The following LYZL4 variants were observed in gnomAD, a reference collection of about 807,000 sequenced individuals.
The protein encoded by LYZL4 is lysozyme-like protein 4.
Under a neutral mutation model 17.6 loss-of-function variants are expected in LYZL4, and 13 were observed. The observed-to-expected ratio is 0.74, with a 90% CI of 0.48 to 1.18. LYZL4 has a LOEUF of 1.18. Ranked by LOEUF, LYZL4 falls within the 50% of genes most tolerant of loss-of-function variation. The probability of loss-of-function intolerance (pLI) is 0.00; values close to 1 mark genes in which losing one functional copy is unlikely to be tolerated. For synonymous variants in LYZL4, 64 were observed against 67.7 expected, an observed-to-expected ratio of 0.95 and a Z score of 0.27; for missense variants, 174 against 188.2, an observed-to-expected ratio of 0.92 and a Z score of 0.44.
At chr3:42,362,521 T>A in the LYZL4 span, among the ~76,000 whole-genome samples, 1 of 152,202 alleles carries the variant, frequency 6.6e-6, no homozygotes, top group African/African-American at 2.4e-5. Context: ...ACTAGCTGAT[T>A]TGGGGTCTCA....
At chr3:42,409,597 A>G (rs183962391) in intron 1 of LYZL4, among the ~76,000 whole-genome samples, 1 of 152,190 alleles carries the variant, frequency 6.6e-6, no homozygotes, top group East Asian at 1.9e-4. Flanking sequence ...TTCTTCCAGA[A>G]CCTATTCGCC....
chr3:42,390,220 G>A, the LYZL4 span, among the ~76,000 whole-genome samples: 60 of 152,330 alleles, frequency 3.9e-4, no homozygotes, highest in Middle Eastern at 3.4e-3. Flanking sequence ...TGGGCACAGC[G>A]TGAGGATATC....
chr3:42,378,357 T>A, the LYZL4 span, among the ~76,000 whole-genome samples: 1 of 152,184 alleles, frequency 6.6e-6, no homozygotes, highest in Admixed American at 6.5e-5. Context: ...CAGCAAGAAT[T>A]TCCTTTGCCA....
the LYZL4 span, among the ~76,000 whole-genome samples, chr3:42,373,752 C>G: frequency 2.5e-4 from 38 of 152,256 alleles, no homozygotes; most frequent in African/African-American, 8.9e-4. Flanking sequence ...GCACACCTTC[C>G]CTTAAAGGTC....
downstream of LYZL4, among the ~76,000 whole-genome samples, chr3:42,394,126 A>C (rs1698522438): frequency 6.6e-6 from 1 of 152,214 alleles, no homozygotes; most frequent in Non-Finnish European, 1.5e-5. Context: ...ACAGAAGCTT[A>C]GAAATGCTGT....
chr3:42,369,170 G>C, the LYZL4 span, among the ~76,000 whole-genome samples: 1 of 152,212 alleles, frequency 6.6e-6, no homozygotes, highest in Non-Finnish European at 1.5e-5. Context: ...TATGTAATTA[G>C]AAGTTTCCTT....
At chr3:42,385,353 C>T in the LYZL4 span, among the ~76,000 whole-genome samples, 11 of 152,246 alleles carry the variant, frequency 7.2e-5, no homozygotes, top group Middle Eastern at 3.4e-3. Context: ...TTTAGATACA[C>T]GAATACTTAG....
At chr3:42,369,124 G>A in the LYZL4 span, among the ~76,000 whole-genome samples, 5 of 152,340 alleles carry the variant, frequency 3.3e-5, 1 homozygote, top group East Asian at 9.6e-4. Context: ...AAAGCCTAAT[G>A]AAGGTATAGA....
chr3:42,397,140 G>T lies in LYZL4; in HGVS notation c.*125C>A. 1.4e-6 allele frequency: 1 copy of T among 696,036 alleles called. No individual in the cohort carries two copies. The highest frequency in any genetic ancestry group is 2.4e-6 in the Non-Finnish European group (1 of 416,668). The allele number at this position is 696,036 out of a possible 1,614,324, so 43.1% of individuals were successfully genotyped here. On this transcript the variant is annotated 3_prime_UTR_variant, in exon 5 of 5. Transcript: ENST00000287748. ...GCATCCCCGGATGAAGCAAACTTTT[G>T]TCTTTTTCCATCTGGAACTCTTAAA...
At chr3:42,382,889 G>A in the LYZL4 span, among the ~76,000 whole-genome samples, 1 of 152,106 alleles carries the variant, frequency 6.6e-6, no homozygotes, top group Admixed American at 6.5e-5. Context: ...GGCCAGCATA[G>A]AACAGACACA....
At position 42,397,174 on chromosome 3, in the gene LYZL4, A is replaced by C; in HGVS notation, c.*91T>G. On this transcript the variant is annotated 3_prime_UTR_variant, in exon 5 of 5. Coordinates refer to ENST00000287748, the MANE Select transcript of LYZL4 (RefSeq NM_144634.4). Reference sequence around the variant, plus strand: ...CATCTGGAACTCTTAAAGTGGTGAGATCATCAAAAGGATTGACTGAAGCAG... The same window carrying C: ...CATCTGGAACTCTTAAAGTGGTGAGCTCATCAAAAGGATTGACTGAAGCAG... 4 of 889,894 alleles carry C rather than the reference A, an allele frequency of 4.5e-6. No individual in the cohort carries two copies. Among genetic ancestry groups the C allele is most frequent in the Non-Finnish European group, 7.0e-6 (4 of 567,956 alleles). The allele number at this position is 889,894 out of a possible 1,614,324, so 55.1% of individuals were successfully genotyped here.
chr3:42,394,259 T>TA (rs1339641070), downstream of LYZL4, among the ~76,000 whole-genome samples: 22 of 152,220 alleles, frequency 1.4e-4, no homozygotes, highest in Admixed American at 1.4e-3. Flanking sequence ...TAATACCTCT[T>TA]AAGTGCAGCA....
chr3:42,406,783 C>T, intron 3 of LYZL4, 63 bp downstream of exon 3: 3 of 1,587,166 alleles, frequency 1.9e-6, no homozygotes, highest in Non-Finnish European at 1.7e-6. Context: ...ATTTGGAAGG[C>T]AGGCCTCTAA....
At chr3:42,402,469 A>G (rs1261423538) in intron 4 of LYZL4, among the ~76,000 whole-genome samples, 1 of 152,174 alleles carries the variant, frequency 6.6e-6, no homozygotes, top group Admixed American at 6.5e-5. Flanking sequence ...AGACAGCACA[A>G]TAGAAAAATT....
chr3:42,396,078 A>C (rs1441489219), downstream of LYZL4, among the ~76,000 whole-genome samples: 1 of 152,206 alleles, frequency 6.6e-6, no homozygotes, highest in Non-Finnish European at 1.5e-5. Context: ...AAAGAAAAGA[A>C]AAAAAGAAAA....
chr3:42,369,931 C>A, the LYZL4 span, among the ~76,000 whole-genome samples: 1 of 152,104 alleles, frequency 6.6e-6, no homozygotes, highest in African/African-American at 2.4e-5. Flanking sequence ...CCTGTAATCC[C>A]AGCTACTCGA....
At chr3:42,376,977 T>G in the LYZL4 span, among the ~76,000 whole-genome samples, 13 of 152,338 alleles carry the variant, frequency 8.5e-5, no homozygotes, top group Non-Finnish European at 1.8e-4. Context: ...AAGGATTTAT[T>G]AAAAATTGTC....
chr3:42,393,524 C>T (rs1248978454), downstream of LYZL4, among the ~76,000 whole-genome samples: 61 of 152,206 alleles, frequency 4.0e-4, 2 homozygotes, highest in Admixed American at 4.0e-3. Flanking sequence ...GCCAGGGTCA[C>T]TCACTTTGTT....
chr3:42,386,292 G>A, the LYZL4 span, among the ~76,000 whole-genome samples: 1 of 151,822 alleles, frequency 6.6e-6, no homozygotes, highest in African/African-American at 2.4e-5. Flanking sequence ...TAGTAGGGGC[G>A]GGGTTTTACC....
Sources: gnomAD v4.1 joint callset for allele counts (sites outside exome capture counted in the v4.1 genomes callset) on GRCh38, gnomAD v4.1.1 for gene constraint, MANE v1.5 for transcripts, NCBI Gene and HGNC (gene_info 2026-07-23, HGNC 2026-07-21) for gene names.